LTBP2: variants seen among roughly 807,000 people sequenced by gnomAD.
The protein encoded by LTBP2 is latent transforming growth factor beta binding protein 2, also known as latent-transforming growth factor beta-binding protein 2.
LTBP2 carries 103 observed loss-of-function variants against 210.6 expected under a neutral mutation model. The observed-to-expected ratio is 0.49, with a 90% CI of 0.42 to 0.58. The LOEUF (loss-of-function observed/expected upper bound fraction) is 0.58. Ranked by LOEUF, LTBP2 falls within the 20% of genes least tolerant of loss-of-function variation. LTBP2 has a pLI of 0.00. For synonymous variants in LTBP2, 1,007 were observed against 1,015.0 expected (o/e 0.99, Z 0.15); for missense variants, 2,313 against 2,494.5 (o/e 0.93, Z 1.55).
In LTBP2 at chr14:74,535,915, G is replaced by A. The variant is rs1189350719; in HGVS notation, c.1864+11C>T. Reference sequence around the variant, plus strand: ...CATCCTTGAGCCCAGCCCTGGCCCTGGGGGTCCTACCTTGGCAGTGAGTGA... The same window carrying A: ...CATCCTTGAGCCCAGCCCTGGCCCTAGGGGTCCTACCTTGGCAGTGAGTGA... On this transcript the variant is annotated intron_variant, in intron 9 of 35. Transcript: ENST00000261978. The A allele has an allele frequency of 6.2e-7, 1 of 1,613,176 alleles. No individual in the cohort carries two copies. The highest frequency in any genetic ancestry group is 8.5e-7 in the Non-Finnish European group (1 of 1,179,200).
intron 8 of LTBP2, among the ~76,000 whole-genome samples, chr14:74,544,305 G>A (rs1240453753): frequency 6.6e-6 from 1 of 152,222 alleles, no homozygotes; most frequent in Non-Finnish European, 1.5e-5. Flanking sequence ...AGAAGCAGCA[G>A]AGAGAGGCCA....
intron 2 of LTBP2, among the ~76,000 whole-genome samples, chr14:74,587,397 A>G (rs930722371): frequency 1.3e-5 from 2 of 151,978 alleles, no homozygotes; most frequent in Admixed American, 1.3e-4. Flanking sequence ...AGGGCTGTGA[A>G]GACAACCCAG....
At chr14:74,560,363 T>C (rs749434771) in intron 3 of LTBP2, among the ~76,000 whole-genome samples, 1 of 152,158 alleles carries the variant, frequency 6.6e-6, no homozygotes, top group Non-Finnish European at 1.5e-5. Context: ...AGCCACCAGA[T>C]CCACCACAGT....
Position 74,532,446 on chromosome 14 carries a change from G to T in LTBP2, c.1967C>A (p.Pro656Gln). The T allele has an allele frequency of 6.2e-7, 1 of 1,614,180 alleles. No individual in the cohort carries two copies. The highest frequency in any genetic ancestry group is 8.5e-7 in the Non-Finnish European group (1 of 1,180,036). The change falls in exon 10 of 36, where the codon CCA becomes CAA. Residue 656 changes from proline to glutamine, a missense_variant. Physicochemically the swap from Pro to Gln is moderately conservative, Grantham distance 76. Transcript: ENST00000261978. ...CTCACACACACAGCGGCTCCGCGAT[G>T]GATCCAGCATGAGGCCAGGTCTGCA... ...CTCRPGLMLDPSRSRCVSDKA... is the reference protein window; with the variant it reads ...CTCRPGLMLDQSRSRCVSDKA...
chr14:74,571,782 G>C (rs1280774781), intron 3 of LTBP2, among the ~76,000 whole-genome samples: 1 of 152,226 alleles, frequency 6.6e-6, no homozygotes, highest in Non-Finnish European at 1.5e-5. Context: ...ATCGTGGGCA[G>C]GGCTGAGGCT....
At chr14:74,508,429 T>C (rs1158523527) in intron 24 of LTBP2, among the ~76,000 whole-genome samples, 175 bp downstream of exon 24, 1 of 152,128 alleles carries the variant, frequency 6.6e-6, no homozygotes, top group Non-Finnish European at 1.5e-5. Context: ...ACATCACTCC[T>C]CGCTCCCATC....
chr14:74,535,393 T>C (rs2087407327), intron 9 of LTBP2, among the ~76,000 whole-genome samples: 1 of 152,216 alleles, frequency 6.6e-6, no homozygotes, highest in South Asian at 2.1e-4. Flanking sequence ...CCCACTGGCC[T>C]CTGCCAGCCC....
intron 3 of LTBP2, among the ~76,000 whole-genome samples, chr14:74,575,040 C>A (rs2088038650): frequency 1.3e-5 from 2 of 152,182 alleles, no homozygotes; most frequent in South Asian, 4.1e-4. Flanking sequence ...GAAGAGGTTG[C>A]CGGCTTTATC....
chr14:74,573,810 G>A (rs886985258), intron 3 of LTBP2, among the ~76,000 whole-genome samples: 2 of 152,166 alleles, frequency 1.3e-5, no homozygotes, highest in African/African-American at 4.8e-5. Flanking sequence ...TTACCTATGT[G>A]AGCCGGCACT....
chr14:74,521,309 T>C (rs1219861312), intron 17 of LTBP2, among the ~76,000 whole-genome samples: 2 of 152,250 alleles, frequency 1.3e-5, no homozygotes, highest in African/African-American at 4.8e-5. Context: ...CTGCATTATA[T>C]TATTTGTGAA....
chr14:74,563,976 G>A (rs368825215), intron 3 of LTBP2, among the ~76,000 whole-genome samples: 22 of 126,120 alleles, frequency 1.7e-4, no homozygotes, highest in African/African-American at 6.2e-4. Context: ...ATGTGGCAGG[G>A]TGGAGAACAG....
chr14:74,506,833 A>G lies in LTBP2; in HGVS notation c.3908-10T>C. On this transcript the variant is annotated splice_polypyrimidine_tract_variant and intron_variant, in intron 26 of 35. Transcript: ENST00000261978. Reference sequence around the variant, plus strand: ...GCGCACTCGTCTATGTCTGTGGGACAGTGGGAACCAGGATAGAGGATGTGT... The same window carrying G: ...GCGCACTCGTCTATGTCTGTGGGACGGTGGGAACCAGGATAGAGGATGTGT... 1 of 1,613,460 alleles carries G rather than the reference A, an allele frequency of 6.2e-7. No individual in the cohort carries two copies. The highest frequency in any genetic ancestry group is 8.5e-7 in the Non-Finnish European group (1 of 1,179,876).
chr14:74,598,389 C>T (rs952938982), intron 2 of LTBP2, among the ~76,000 whole-genome samples: 4 of 152,170 alleles, frequency 2.6e-5, no homozygotes, highest in Admixed American at 2.0e-4. Flanking sequence ...CCCTGAACAC[C>T]GTGGGGAGTT....
intron 2 of LTBP2, among the ~76,000 whole-genome samples, chr14:74,598,740 G>A (rs777826019): frequency 1.1e-4 from 16 of 152,258 alleles, no homozygotes; most frequent in Middle Eastern, 6.8e-3. Flanking sequence ...CCTCAGCCAC[G>A]TGGTGGAGCT....
chr14:74,540,334 G>A (rs956172338), intron 8 of LTBP2, among the ~76,000 whole-genome samples: 3 of 151,902 alleles, frequency 2.0e-5, no homozygotes, highest in Admixed American at 6.6e-5. Flanking sequence ...GTCAGCGGGC[G>A]TGGTGGCATG....
chr14:74,505,961 C>T (rs956240635), intron 28 of LTBP2, 87 bp downstream of exon 28: 133 of 1,558,416 alleles, frequency 8.5e-5, no homozygotes, highest in Non-Finnish European at 9.8e-5. Context: ...TCCCCCTCAG[C>T]GGCTAGAGGC....
chr14:74,611,498 C>A lies in LTBP2; in HGVS notation c.447G>T (p.Gln149His). Residue 149 changes from glutamine to histidine, a missense_variant, in exon 1 of 36, where the codon CAG becomes CAT. Gln to His is a conservative substitution (Grantham distance 24). This residue lies in a region of LTBP2 where 1,867 missense variants were observed against 1,976.9 expected (regional missense o/e 0.94). Transcript: ENST00000261978. The part of the protein sequence containing the change: ...APALPRLGTP[Q>H]RSGAAPPTPP... ...GGGTTGGGGGCGCAGCCCCAGACCGCTGTGGGGTCCCCAGGCGTGGGAGAG... is the reference window on the plus strand; with the variant it reads ...GGGTTGGGGGCGCAGCCCCAGACCGATGTGGGGTCCCCAGGCGTGGGAGAG... The A allele has an allele frequency of 1.3e-6, 2 of 1,519,184 alleles. No homozygotes were observed. Among genetic ancestry groups the A allele is most frequent in the Admixed American group, 2.2e-5 (1 of 46,302 alleles). The allele number at this position is 1,519,184 out of a possible 1,614,324, so 94.1% of individuals were successfully genotyped here.
At chr14:74,595,954 T>C (rs889575384) in intron 2 of LTBP2, among the ~76,000 whole-genome samples, 6 of 152,092 alleles carry the variant, frequency 3.9e-5, no homozygotes, top group African/African-American at 1.4e-4. Flanking sequence ...CCCAGTACTT[T>C]GGGAGTCCGA....
intron 21 of LTBP2, 71 bp from the exon 22 acceptor site, chr14:74,509,434 C>G: frequency 6.2e-7 from 1 of 1,603,752 alleles, no homozygotes; most frequent in Non-Finnish European, 8.5e-7. Flanking sequence ...GGAACCTCAC[C>G]GTGGCTTCCC....
Sources: allele counts gnomAD v4.1 joint callset (sites outside exome capture counted in the v4.1 genomes callset), GRCh38; gene constraint gnomAD v4.1.1; regional missense constraint gnomAD v4.1.1; transcripts MANE v1.5; gene names NCBI Gene and HGNC (gene_info 2026-07-23, HGNC 2026-07-21).